MGST1: variants seen among roughly 807,000 people sequenced by gnomAD.
MGST1 encodes glutathione S-transferase 12.
Under a neutral mutation model 8.9 loss-of-function variants are expected in MGST1, and 5 were observed. The observed-to-expected ratio is 0.56, with a 90% CI of 0.29 to 1.19. MGST1 has a LOEUF of 1.19. Among genes scored for constraint, MGST1 ranks in the 50% most tolerant of loss-of-function variants. MGST1 has a pLI of 0.08. For missense variants in MGST1, 182 were observed against 187.4 expected (o/e 0.97, Z 0.17); for synonymous variants, 54 against 67.8 (o/e 0.80, Z 1.00).
chr12:16,359,826 A>G (rs1939903950), intron 3 of MGST1, among the ~76,000 whole-genome samples: 1 of 152,156 alleles, frequency 6.6e-6, no homozygotes, highest in South Asian at 2.1e-4. Flanking sequence ...CTGAAATGAA[A>G]ATCCAAGTAA....
intron 4 of MGST1, chr12:16,551,049 T>C (rs1002621333): frequency 1.9e-6 from 1 of 530,154 alleles, no homozygotes; most frequent in Non-Finnish European, 3.4e-6. Flanking sequence ...AACTCTGAAC[T>C]GGGGCAATTT....
chr12:16,527,646 T>C (rs530004983), intron 4 of MGST1, among the ~76,000 whole-genome samples: 1 of 152,134 alleles, frequency 6.6e-6, no homozygotes, highest in South Asian at 2.1e-4. Flanking sequence ...ATCTTCTGGC[T>C]TGGTCAGTGC....
intron 3 of MGST1, among the ~76,000 whole-genome samples, chr12:16,371,533 A>G (rs1940293288): frequency 6.6e-6 from 1 of 152,114 alleles, no homozygotes; most frequent in Non-Finnish European, 1.5e-5. Context: ...TATGGCCCAC[A>G]AGCTAACAAT....
chr12:16,432,651 C>T (rs1388742761), intron 1 of MGST1, among the ~76,000 whole-genome samples: 2 of 150,690 alleles, frequency 1.3e-5, no homozygotes, highest in Non-Finnish European at 1.5e-5. Context: ...ACTCTGTCCT[C>T]ACTCGCAAAT....
Position 16,507,252 on chromosome 12 carries a change from G to T in MGST1, n.483-82276G>T, listed in dbSNP as rs12372780. ...ATTGGGCCAATGTGTTTGGTAGAGA[G>T]AAAATATTAGGTACAAGAAAGGGCA... On this transcript the variant is annotated intron_variant and non_coding_transcript_variant, in intron 4 of 4. Coordinates refer to the MGST1 transcript ENST00000538857. 4.7e-3 allele frequency among the ~76,000 whole-genome samples: 713 copies of T among 152,286 alleles called. 4 individuals are homozygous for T. The highest frequency in any genetic ancestry group is 7.1e-3 in the Admixed American group (108 of 15,294).
intron 4 of MGST1, among the ~76,000 whole-genome samples, chr12:16,489,394 C>G (rs529255349): frequency 1.3e-5 from 2 of 152,238 alleles, no homozygotes; most frequent in South Asian, 4.2e-4. Context: ...CCTTCATACT[C>G]TCAGAGGGAG....
chr12:16,569,056 C>A (rs142823093), intron 4 of MGST1, among the ~76,000 whole-genome samples: 70 of 152,268 alleles, frequency 4.6e-4, no homozygotes, highest in African/African-American at 1.5e-3. Flanking sequence ...CAGTTTCAGG[C>A]TTACTCAGTG....
intron 4 of MGST1, among the ~76,000 whole-genome samples, chr12:16,445,672 G>C (rs1941074469): frequency 6.6e-6 from 1 of 151,894 alleles, no homozygotes; most frequent in Admixed American, 6.6e-5. Flanking sequence ...CCAGGTACCT[G>C]AGGTCATTTT....
chr12:16,382,574 T>A (rs1345278833), upstream of MGST1, among the ~76,000 whole-genome samples: 1 of 152,178 alleles, frequency 6.6e-6, no homozygotes, highest in Non-Finnish European at 1.5e-5. Context: ...CCAGTTAGGC[T>A]ATTCGGGGAT....
rs553209593 is a variant in MGST1 at position 16,546,076 on chromosome 12, G to T, written n.483-43452G>T. 6.6e-6 allele frequency among the ~76,000 whole-genome samples: 1 copy of T among 152,154 alleles called. No homozygotes were observed. The highest frequency in any genetic ancestry group is 2.1e-4 in the South Asian group (1 of 4,824). On this transcript the variant is annotated intron_variant and non_coding_transcript_variant, in intron 4 of 4. Transcript: ENST00000538857. The surrounding 1 kb of genome is among the most constrained non-coding windows in gnomAD (Gnocchi z 4.7). ...ATAGTACCTGTGTCACAGGGGTGTT[G>T]TGGGAATTACATGCGTGTGCAGAAC...
At position 16,363,926 on chromosome 12, in the gene MGST1, C is replaced by T. The variant is rs772249386; in HGVS notation, c.353C>T (p.Thr118Ile). The T allele has an allele frequency of 3.1e-6, 5 of 1,613,962 alleles. No individual in the cohort carries two copies. The highest frequency in any genetic ancestry group is 4.2e-6 in the Non-Finnish European group (5 of 1,179,900). Residue 118 changes from threonine to isoleucine, a missense_variant, in exon 4 of 4, where the codon ACC becomes ATC. Thr to Ile is a moderately conservative substitution (Grantham distance 89). Transcript: ENST00000396210. This position sits in a 1 kb window ranked among gnomAD's most constrained non-coding sequence, Gnocchi z 4.6. Reference sequence around the variant, plus strand: ...TTTGTCGGAGCACGGATCTACCACACCATTGCATATTTGACACCCCTTCCC... The same window carrying T: ...TTTGTCGGAGCACGGATCTACCACATCATTGCATATTTGACACCCCTTCCC... ...RLFVGARIYH[T>I]IAYLTPLPQP...
chr12:16,538,617 T>C (rs1235808346), intron 4 of MGST1, among the ~76,000 whole-genome samples: 2 of 150,882 alleles, frequency 1.3e-5, no homozygotes, highest in Non-Finnish European at 3.0e-5. Flanking sequence ...TCTTTTTTTT[T>C]TTTTTTTTTG....
chr12:16,405,255 C>T lies in MGST1; in HGVS notation n.778+21651C>T, dbSNP rs973245452. 3.3e-5 allele frequency among the ~76,000 whole-genome samples: 5 copies of T among 151,906 alleles called. No individual in the cohort carries two copies. The South Asian group carries it at 6.3e-4, about 19-fold the overall frequency. ...GATTAGCAAATCTAGGAGCTGGTTT[C>T]GTGGAGAAATTAATAGGATAAACCT... On this transcript the variant is annotated intron_variant and non_coding_transcript_variant, in intron 1 of 1. Coordinates refer to the MGST1 transcript ENST00000359720.
At chr12:16,570,480 AAAG>A (rs997093462) in intron 4 of MGST1, among the ~76,000 whole-genome samples, 23 of 152,282 alleles carry the variant, frequency 1.5e-4, no homozygotes, top group Non-Finnish European at 2.1e-4. Context: ...AAGAAAATGA[AAAG>A]AAGCATTATA....
intron 4 of MGST1, among the ~76,000 whole-genome samples, chr12:16,468,039 GACTA>G (rs1941266184): frequency 6.6e-6 from 1 of 152,076 alleles, no homozygotes; most frequent in Non-Finnish European, 1.5e-5. Flanking sequence ...GAAAATATAA[GACTA>G]TGTCTACATT....
chr12:16,578,981 T>C (rs73322834), intron 4 of MGST1, among the ~76,000 whole-genome samples: 1,621 of 152,252 alleles, frequency 0.011, 28 homozygotes, highest in African/African-American at 0.036. Context: ...GTATATTGCA[T>C]TGTTAAGGTC....
Position 16,517,942 on chromosome 12 carries a change from G to A in MGST1, n.483-71586G>A, listed in dbSNP as rs1268200704. ...TGATGTGATAAAACAATCAAATGTT[G>A]TTCTTCACACCCAAGGACCAGACAC... is the stretch of plus-strand genomic sequence containing the variant. On this transcript the variant is annotated intron_variant and non_coding_transcript_variant, in intron 4 of 4. Transcript: ENST00000538857. This position sits in a 1 kb window ranked among gnomAD's most constrained non-coding sequence, Gnocchi z 4.2. Among the ~76,000 whole-genome samples, 1 of 152,128 alleles carries A rather than the reference G, an allele frequency of 6.6e-6. No homozygotes were observed. Among genetic ancestry groups the A allele is most frequent in the Admixed American group, 6.5e-5 (1 of 15,278 alleles).
chr12:16,530,372 T>C (rs1330927983), intron 4 of MGST1, among the ~76,000 whole-genome samples: 1 of 152,136 alleles, frequency 6.6e-6, no homozygotes, highest in Non-Finnish European at 1.5e-5. Flanking sequence ...ACTACTGGTA[T>C]CTCTGCTTCT....
chr12:16,460,017 C>A (rs1477526660), intron 4 of MGST1, among the ~76,000 whole-genome samples: 2 of 152,128 alleles, frequency 1.3e-5, no homozygotes, highest in Admixed American at 6.6e-5. Flanking sequence ...CTTAATCTCT[C>A]TATGCCTCAC....
Sources: allele counts gnomAD v4.1 joint callset (sites outside exome capture counted in the v4.1 genomes callset), GRCh38; gene constraint gnomAD v4.1.1; non-coding constraint Gnocchi (gnomAD v3.1); transcripts MANE v1.5; gene names NCBI Gene and HGNC (gene_info 2026-07-23, HGNC 2026-07-21).